SEC24A: variants seen among roughly 807,000 people sequenced by gnomAD.
SEC24A encodes protein transport protein Sec24A.
A neutral mutation model predicts 129.4 loss-of-function variants in SEC24A; 93 were observed. The observed-to-expected ratio is 0.72, with a 90% CI of 0.61 to 0.85. The LOEUF (loss-of-function observed/expected upper bound fraction) is 0.85, where lower values mean the gene tolerates loss of function less well. Among genes scored for constraint, SEC24A ranks in the 40% least tolerant of loss-of-function variants. The probability of loss-of-function intolerance (pLI) is 0.00; values close to 1 mark genes in which losing one functional copy is unlikely to be tolerated. For synonymous variants in SEC24A, 460 were observed against 467.3 expected (o/e 0.98, Z 0.20); for missense variants, 1,264 against 1,307.4 (o/e 0.97, Z 0.51).
In SEC24A at chr5:134,686,775, T is replaced by G; in HGVS notation, c.1492-15T>G. Reference sequence around the variant, plus strand: ...ATCCTGTTAAATGTACTTAACAAGATCTTTTTTTCTTCAGTTACGACCACC... The same window carrying G: ...ATCCTGTTAAATGTACTTAACAAGAGCTTTTTTTCTTCAGTTACGACCACC... On this transcript the variant is annotated splice_polypyrimidine_tract_variant and intron_variant, in intron 9 of 22. Transcript: ENST00000398844. 1.3e-6 allele frequency: 2 copies of G among 1,486,720 alleles called. No individual in the cohort carries two copies. The highest frequency in any genetic ancestry group is 1.9e-6 in the Non-Finnish European group (2 of 1,079,424). 92.1% of individuals were successfully genotyped at this position (1,486,720 alleles called of 1,614,324 possible).
In SEC24A at chr5:134,723,638, G is replaced by A. The variant is rs1487570331; in HGVS notation, c.3135G>A (p.Gln1045=). The change falls in exon 22 of 23, where the codon CAG becomes CAA. Residue 1045 remains glutamine, a synonymous_variant. Transcript: ENST00000398844. ...CTTTCATCTCTTGGCTTAGAGAGCA[G>A]AGACCATTTTTCCCAATACTTTATG... ...IIAFISWLRE[Q]RPFFPILYVI... is the part of the protein sequence containing the mutation. 4.3e-6 allele frequency: 7 copies of A among 1,610,876 alleles called. No homozygotes were observed. The highest frequency in any genetic ancestry group is 5.1e-6 in the Non-Finnish European group (6 of 1,177,318).
At chr5:134,648,502 CAGAT>C (rs1378367692), upstream of SEC24A, 3 of 152,546 alleles carry the variant, frequency 2.0e-5, no homozygotes, top group African/African-American at 7.2e-5. Flanking sequence ...TACTGAATCT[CAGAT>C]TGCCCCACGA....
chr5:134,671,810 T>C lies in SEC24A; in HGVS notation c.741T>C (p.Gly247=). The C allele has an allele frequency of 3.8e-6, 6 of 1,575,972 alleles. No individual in the cohort carries two copies. The highest frequency in any genetic ancestry group is 5.2e-6 in the Non-Finnish European group (6 of 1,156,522). Residue 247 remains glycine (G), a splice_region_variant and synonymous_variant, in exon 4 of 23, where the codon GGT becomes GGC. Coordinates refer to ENST00000398844, the MANE Select transcript of SEC24A (RefSeq NM_021982.3). ...CTTGTTGATGAACTTCCTTCTTAGGTATTACATCAAATACCAATAACGGAT... is the reference window on the plus strand; with the variant it reads ...CTTGTTGATGAACTTCCTTCTTAGGCATTACATCAAATACCAATAACGGAT... ...PLFNSAVNQE[G]ITSNTNNGSM...
intron 3 of SEC24A, 143 bp downstream of exon 3, chr5:134,667,139 A>G (rs571598205): frequency 4.9e-6 from 3 of 616,722 alleles, no homozygotes; most frequent in African/African-American, 1.9e-5. Context: ...GGAATTTACA[A>G]TTTAAAGTTC....
chr5:134,656,397 T>G (rs1023876544), intron 1 of SEC24A, among the ~76,000 whole-genome samples: 1 of 152,094 alleles, frequency 6.6e-6, no homozygotes, highest in Non-Finnish European at 1.5e-5. Flanking sequence ...ATCTTTATAC[T>G]GGACATCTCC....
In SEC24A at chr5:134,693,915, C is replaced by T. The variant is rs1347785449; in HGVS notation, c.1968C>T (p.Asn656=). ...VGALKPREEP[N]HRSSAKDIHM... is the part of the protein sequence containing the mutation. ...CCCTGAAACCACGAGAGGAACCAAA[C>T]CACAGGTCATCTGCTAAGGTTAGAG... The change falls in exon 13 of 23, where the codon AAC becomes AAT. Residue 656 remains asparagine (N), a synonymous_variant. Transcript: ENST00000398844. 5 of 1,614,026 alleles carry T rather than the reference C, an allele frequency of 3.1e-6. No homozygotes were observed. Among genetic ancestry groups the T allele is most frequent in the Non-Finnish European group, 1.7e-6 (2 of 1,179,932 alleles).
chr5:134,677,311 A>C (rs114490663), intron 7 of SEC24A, among the ~76,000 whole-genome samples: 2,252 of 152,190 alleles, frequency 0.015, 25 homozygotes, highest in South Asian at 0.042. Flanking sequence ...CCCTGTATCC[A>C]AAAAGAAAAG....
intron 8 of SEC24A, among the ~76,000 whole-genome samples, chr5:134,681,025 G>A (rs759103429): frequency 1.6e-4 from 24 of 150,822 alleles, no homozygotes; most frequent in Non-Finnish European, 2.5e-4. Flanking sequence ...CTTGAACCCA[G>A]GAAGCAAAGG....
At chr5:134,706,596 C>T (rs1424931859) in intron 17 of SEC24A, among the ~76,000 whole-genome samples, 1 of 152,034 alleles carries the variant, frequency 6.6e-6, no homozygotes, top group Non-Finnish European at 1.5e-5. Context: ...ACCTCCTGGG[C>T]TCAAGGGATC....
chr5:134,673,346 G>T, intron 4 of SEC24A, among the ~76,000 whole-genome samples: 1 of 150,308 alleles, frequency 6.7e-6, no homozygotes, highest in African/African-American at 2.4e-5. Context: ...GAGCCACCTC[G>T]CCCTGCCAGG....
At chr5:134,680,483 C>T (rs1291665513) in intron 8 of SEC24A, among the ~76,000 whole-genome samples, 2 of 151,456 alleles carry the variant, frequency 1.3e-5, no homozygotes, top group Non-Finnish European at 2.9e-5. Flanking sequence ...CAGGCATCCA[C>T]CACCACGGCC....
At chr5:134,649,611 T>G (rs939974123) in intron 1 of SEC24A, among the ~76,000 whole-genome samples, 4 of 152,090 alleles carry the variant, frequency 2.6e-5, no homozygotes, top group Admixed American at 6.6e-5. Flanking sequence ...TGGAGATGAA[T>G]GCATGCTTTT....
chr5:134,693,085 A>G (rs1405757726), intron 12 of SEC24A: 3 of 1,535,990 alleles, frequency 2.0e-6, no homozygotes, highest in Non-Finnish European at 2.6e-6. Context: ...GGAAATTGCC[A>G]TGAGATAATA....
At chr5:134,659,540 A>C (rs1405374060) in intron 1 of SEC24A, among the ~76,000 whole-genome samples, 1 of 152,114 alleles carries the variant, frequency 6.6e-6, no homozygotes, top group African/African-American at 2.4e-5. Flanking sequence ...CAGAAAAAAA[A>C]ATTTTCATGT....
intron 9 of SEC24A, among the ~76,000 whole-genome samples, chr5:134,685,001 T>A (rs1751400174): frequency 6.6e-6 from 1 of 152,164 alleles, no homozygotes; most frequent in Non-Finnish European, 1.5e-5. Flanking sequence ...AAAGTACAGT[T>A]GACTCTGTAT....
At chr5:134,656,778 C>CT (rs1278303639) in intron 1 of SEC24A, among the ~76,000 whole-genome samples, 6,972 of 132,464 alleles carry the variant, frequency 0.053, 229 homozygotes, top group Middle Eastern at 0.085. Context: ...CTGCATCCGA[C>CT]TTTTTTTTTT....
rs138324623 is a variant in SEC24A at position 134,715,487 on chromosome 5, T to C, written c.2865+326T>C. 1.3e-3 allele frequency: 292 copies of C among 218,456 alleles called. 1 individual carries two copies. Among genetic ancestry groups the C allele is most frequent in the African/African-American group, 6.5e-3 (275 of 42,578 alleles). 13.5% of individuals were successfully genotyped at this position (218,456 alleles called of 1,614,324 possible). A position where few individuals can be genotyped will look rare whatever the true frequency, so the allele number is the denominator to read the frequency against. On this transcript the variant is annotated intron_variant, in intron 19 of 22. Transcript: ENST00000398844. ...TTAAAAGTTCTGGGTGCATTTTTGC[T>C]CGCTTCAGCAGCAAATATACTAAAA...
intron 13 of SEC24A, among the ~76,000 whole-genome samples, chr5:134,695,663 T>C (rs1751798935): frequency 1.3e-5 from 2 of 152,114 alleles, no homozygotes. Flanking sequence ...CACACACCTG[T>C]AATCCCAGCT....
chr5:134,683,730 C>CT (rs1751353381), intron 9 of SEC24A, among the ~76,000 whole-genome samples: 1 of 152,136 alleles, frequency 6.6e-6, no homozygotes, highest in Non-Finnish European at 1.5e-5. Context: ...GCTTAGGCTG[C>CT]TTGTGAATGC....
Sources: gnomAD v4.1 joint callset for allele counts (sites outside exome capture counted in the v4.1 genomes callset) on GRCh38, gnomAD v4.1.1 for gene constraint, MANE v1.5 for transcripts, NCBI Gene and HGNC (gene_info 2026-07-23, HGNC 2026-07-21) for gene names.